The following BMP2K variants were observed in gnomAD, a reference collection of about 807,000 sequenced individuals.
BMP2K encodes BMP-2-inducible protein kinase.
BMP2K carries 74 observed loss-of-function variants against 116.0 expected under a neutral mutation model. The ratio of observed to expected loss-of-function variants is 0.64; its 90% CI spans 0.53 to 0.77. BMP2K has a LOEUF of 0.77. BMP2K is among the 30% of genes least tolerant of loss of function. The pLI, the probability that BMP2K is intolerant of heterozygous loss-of-function variation, is 0.00. For synonymous variants in BMP2K, 486 were observed against 502.5 expected, an observed-to-expected ratio of 0.97 and a Z score of 0.44; for missense variants, 1,365 against 1,403.6, an observed-to-expected ratio of 0.97 and a Z score of 0.44.
intron 2 of BMP2K, among the ~76,000 whole-genome samples, chr4:78,826,571 A>G (rs997196006): frequency 1.3e-5 from 2 of 152,210 alleles, no homozygotes; most frequent in Admixed American, 6.5e-5. Context: ...TTTGAAGATC[A>G]TTAAATTAGA....
At position 78,871,857 on chromosome 4, in the gene BMP2K, A is replaced by G. The variant is rs778889060; in HGVS notation, c.1517A>G (p.His506Arg). 1 of 1,611,130 alleles carries G rather than the reference A, an allele frequency of 6.2e-7. No individual in the cohort carries two copies. Among genetic ancestry groups the G allele is most frequent in the Admixed American group, 1.7e-5 (1 of 59,606 alleles). ...LQDAYMQQYQ[H>R]ATQQQQMLQQ... is the part of the protein sequence containing the mutation. ...TTGATTTTCTCGTTGTAGTATCAAC[A>G]TGCAACACAGCAGCAACAGATGCTT... The change falls in exon 12 of 16, where the codon CAT becomes CGT. Residue 506 changes from histidine (H) to arginine (R), a missense_variant. Physicochemically the swap from His to Arg is conservative, Grantham distance 29. Around this residue, in one of 3 missense-constraint regions of BMP2K, gnomAD observed 762 missense variants for 756.7 expected, o/e 1.01. Coordinates refer to ENST00000502613, the MANE Select transcript of BMP2K (RefSeq NM_198892.2).
At chr4:78,838,385 G>T (rs1337761027) in intron 3 of BMP2K, among the ~76,000 whole-genome samples, 2 of 152,108 alleles carry the variant, frequency 1.3e-5, no homozygotes, top group Non-Finnish European at 2.9e-5. Context: ...ACCTGTTAAG[G>T]TTACTACATG....
chr4:78,853,610 G>A (rs1731362404), intron 7 of BMP2K, among the ~76,000 whole-genome samples: 1 of 152,130 alleles, frequency 6.6e-6, no homozygotes, highest in Non-Finnish European at 1.5e-5. Context: ...CTCCTGTGTT[G>A]TAAGGTGATT....
chr4:78,848,227 T>G (rs1731100768), intron 6 of BMP2K, among the ~76,000 whole-genome samples: 1 of 151,540 alleles, frequency 6.6e-6, no homozygotes, highest in South Asian at 2.1e-4. Flanking sequence ...GTAATTCTTG[T>G]GGTAGATGAA....
chr4:78,906,417 G>C (rs556074999), intron 15 of BMP2K, among the ~76,000 whole-genome samples: 37 of 152,204 alleles, frequency 2.4e-4, no homozygotes, highest in African/African-American at 6.3e-4. Context: ...TTCCCCAGTT[G>C]CCCGTACTAT....
At chr4:78,904,337 C>G (rs891661511) in intron 15 of BMP2K, among the ~76,000 whole-genome samples, 7 of 151,932 alleles carry the variant, frequency 4.6e-5, no homozygotes, top group African/African-American at 1.7e-4. Context: ...ATATGAAAAA[C>G]CCTTGGCACT....
chr4:78,852,093 T>C (rs1731279990), intron 7 of BMP2K, among the ~76,000 whole-genome samples: 1 of 152,106 alleles, frequency 6.6e-6, no homozygotes, highest in East Asian at 1.9e-4. Context: ...GTCTGACTTG[T>C]GATTTAATTT....
At chr4:78,893,667 A>G (rs946754316) in intron 15 of BMP2K, among the ~76,000 whole-genome samples, 1 of 152,170 alleles carries the variant, frequency 6.6e-6, no homozygotes, top group East Asian at 1.9e-4. Flanking sequence ...GGCTCCAGTG[A>G]TCCTCCCGCC....
At chr4:78,848,901 C>T (rs1312987072) in intron 6 of BMP2K, among the ~76,000 whole-genome samples, 3 of 146,570 alleles carry the variant, frequency 2.0e-5, no homozygotes, top group African/African-American at 8.1e-5. Flanking sequence ...TGCTGTCTTA[C>T]TTAGCTCAGG....
chr4:78,860,090 G>A (rs879201526), intron 8 of BMP2K: 2 of 513,866 alleles, frequency 3.9e-6, no homozygotes, highest in African/African-American at 1.9e-5. Context: ...GTAAGTTTGG[G>A]AAACTTTGGT....
intron 1 of BMP2K, among the ~76,000 whole-genome samples, chr4:78,802,044 T>G (rs951205468): frequency 6.6e-6 from 1 of 152,246 alleles, no homozygotes; most frequent in Admixed American, 6.5e-5. Flanking sequence ...TTTTGTTAGC[T>G]TGAGAAGTCT....
At chr4:78,845,665 G>A (rs1282453226) in intron 5 of BMP2K, among the ~76,000 whole-genome samples, 1 of 151,648 alleles carries the variant, frequency 6.6e-6, no homozygotes, top group African/African-American at 2.4e-5. Flanking sequence ...GGAACTATTT[G>A]TAAATTTTAG....
Position 78,870,847 on chromosome 4 carries a change from A to G in BMP2K, c.1296A>G (p.Pro432=). 1 of 1,614,084 alleles carries G rather than the reference A, an allele frequency of 6.2e-7. No individual in the cohort carries two copies. Among genetic ancestry groups the G allele is most frequent in the African/African-American group, 1.3e-5 (1 of 75,010 alleles). ...GTCAGGGACCTCCTCAGCAGCCGCC[A>G]CAGCAGCATAGAGTACTCCAGCAAC... The part of the protein sequence containing the change: ...LLGQGPPQQP[P]QQHRVLQQLQ... Residue 432 remains proline, a synonymous_variant, in exon 11 of 16, where the codon CCA becomes CCG. Transcript: ENST00000502613.
intron 1 of BMP2K, among the ~76,000 whole-genome samples, chr4:78,793,110 T>C (rs1728083910): frequency 6.6e-6 from 1 of 152,160 alleles, no homozygotes; most frequent in African/African-American, 2.4e-5. Flanking sequence ...TATGGCTATT[T>C]TTTATTAAAT....
Position 78,804,731 on chromosome 4 carries a change from T to A in BMP2K, c.179-21306T>A, listed in dbSNP as rs183483631. Among the ~76,000 whole-genome samples the A allele has an allele frequency of 1.1e-4, 16 of 152,050 alleles. No individual in the cohort carries two copies. The East Asian group carries it at 3.1e-3, about 29-fold the overall frequency. On this transcript the variant is annotated intron_variant, in intron 1 of 15. Transcript: ENST00000502613. ...TATTGGCCATGTGTGTATCTTTTTT[T>A]TTTTTTGGACAAATTTCTATTCTGC...
At chr4:78,854,094 A>AACT (rs1351504977) in intron 7 of BMP2K, among the ~76,000 whole-genome samples, 2 of 151,460 alleles carry the variant, frequency 1.3e-5, no homozygotes, top group African/African-American at 4.8e-5. Flanking sequence ...TGTTAAATAT[A>AACT]ACTACTAAGA....
Position 78,915,227 on chromosome 4 carries a change from A to G in BMP2K, c.*3194A>G, listed in dbSNP as rs1218580212. Reference sequence around the variant, plus strand: ...AGTCTTACCCTGTTTATTGTTTAAGAGTGATAGACTGTTGTCCTCTTGCTG... The same window carrying G: ...AGTCTTACCCTGTTTATTGTTTAAGGGTGATAGACTGTTGTCCTCTTGCTG... On this transcript the variant is annotated 3_prime_UTR_variant, in exon 16 of 16. Transcript: ENST00000502613. 1 of 151,960 alleles carries G rather than the reference A, an allele frequency of 6.6e-6. No homozygotes were observed. 9.4% of individuals were successfully genotyped at this position (151,960 alleles called of 1,614,324 possible). A position where few individuals can be genotyped will look rare whatever the true frequency, so the allele number is the denominator to read the frequency against.
intron 13 of BMP2K, among the ~76,000 whole-genome samples, chr4:78,873,711 T>A (rs1019833631): frequency 6.7e-6 from 1 of 150,202 alleles, no homozygotes. Flanking sequence ...TGTGTATGCA[T>A]GCATGCATGT....
intron 2 of BMP2K, among the ~76,000 whole-genome samples, chr4:78,826,422 T>G (rs1333780253): frequency 6.6e-6 from 1 of 152,088 alleles, no homozygotes; most frequent in Non-Finnish European, 1.5e-5. Context: ...AGGCTGGTCT[T>G]GAACTCCTGA....
Sources: allele counts gnomAD v4.1 joint callset (sites outside exome capture counted in the v4.1 genomes callset), GRCh38; gene constraint gnomAD v4.1.1; regional missense constraint gnomAD v4.1.1; transcripts MANE v1.5; gene names NCBI Gene and HGNC (gene_info 2026-07-23, HGNC 2026-07-21).